The following NF1 variants were observed in gnomAD, a reference collection of about 807,000 sequenced individuals.
NF1 encodes neurofibromin 1, also known as neurofibromin.
Under a neutral mutation model 325.7 loss-of-function variants are expected in NF1, and 122 were observed. That is an observed-to-expected ratio of 0.37 (90% CI 0.32 to 0.44). The LOEUF (loss-of-function observed/expected upper bound fraction) is 0.44. NF1 is among the 20% of genes least tolerant of loss of function. NF1 has a pLI of 1.00. For missense variants in NF1, 2,140 were observed against 3,415.4 expected (o/e 0.63, Z 9.31); for synonymous variants, 1,091 against 1,186.0 (o/e 0.92, Z 1.65).
intron 37 of NF1, among the ~76,000 whole-genome samples, chr17:31,326,829 TTACC>T (rs745366078): frequency 2.6e-5 from 4 of 152,064 alleles, no homozygotes; most frequent in Non-Finnish European, 4.4e-5. Context: ...AGAGTAGAAA[TTACC>T]TAATGAGAGT....
At chr17:31,134,022 G>T (rs866902292) in intron 1 of NF1, among the ~76,000 whole-genome samples, 13 of 151,274 alleles carry the variant, frequency 8.6e-5, no homozygotes, top group Non-Finnish European at 1.2e-4. Context: ...TGACTTTTTG[G>T]TTTTTTTTTA....
chr17:31,253,128 C>T, intron 31 of NF1, 128 bp downstream of exon 31: 2 of 707,176 alleles, frequency 2.8e-6, no homozygotes, highest in Admixed American at 4.4e-5. Context: ...CTAATTCTGG[C>T]ACAAAATAGC....
Position 31,336,625 on chromosome 17 carries a change from T to G in NF1, c.6148-10T>G. On this transcript the variant is annotated splice_polypyrimidine_tract_variant and intron_variant, in intron 41 of 57. Coordinates refer to ENST00000358273, the MANE Select transcript of NF1 (RefSeq NM_001042492.3). This position sits in a 1 kb window ranked among gnomAD's most constrained non-coding sequence, Gnocchi z 5.5. The stretch of plus-strand genomic sequence containing the variant: ...TTTTTTTTAAAAAAAAAAATCCTGC[T>G]TCTTTACAGGTTATTGGAAGGATGT... The G allele has an allele frequency of 6.3e-7, 1 of 1,593,528 alleles. No individual in the cohort carries two copies. Among genetic ancestry groups the G allele is most frequent in the Non-Finnish European group, 8.5e-7 (1 of 1,170,540 alleles).
rs765337197 is a variant in NF1, at chr17:31,343,676, C to G, written c.7189+541C>G. Among the ~76,000 whole-genome samples, 94 of 152,210 alleles carry G rather than the reference C, an allele frequency of 6.2e-4. 2 individuals are homozygous for G. Among genetic ancestry groups the G allele is most frequent in the Middle Eastern group, 3.4e-3 (1 of 292 alleles). On this transcript the variant is annotated intron_variant, in intron 48 of 57. Coordinates refer to ENST00000358273, the MANE Select transcript of NF1 (RefSeq NM_001042492.3). ...TGAAAAACAAAAGAGTTTATTCTGG[C>G]TGGGTATGGTGGCTCACACCTGTAG...
intron 1 of NF1, among the ~76,000 whole-genome samples, chr17:31,145,773 A>G (rs1916544355): frequency 6.6e-6 from 1 of 152,196 alleles, no homozygotes; most frequent in Non-Finnish European, 1.5e-5. Flanking sequence ...AGGGAGATGA[A>G]GTAAAGGGAA....
At chr17:31,357,830 T>A (rs2070310690) in intron 54 of NF1, 1 of 176,160 alleles carries the variant, frequency 5.7e-6, no homozygotes, top group Non-Finnish European at 1.2e-5. Context: ...TCAAATAAAT[T>A]CTTTTCCTGA....
chr17:31,131,363 T>A (rs1915377115), intron 1 of NF1, among the ~76,000 whole-genome samples: 1 of 152,176 alleles, frequency 6.6e-6, no homozygotes, highest in Non-Finnish European at 1.5e-5. Flanking sequence ...GGGTTGCTGC[T>A]TCCCTGTTCA....
Position 31,257,004 on chromosome 17 carries a change from A to G in NF1, c.4174-1340A>G, listed in dbSNP as rs144492410. Among the ~76,000 whole-genome samples, 45 of 152,310 alleles carry G rather than the reference A, an allele frequency of 3.0e-4. No individual in the cohort carries two copies. In the Middle Eastern group the frequency reaches 0.02, roughly 69 times the overall value. The stretch of plus-strand genomic sequence containing the variant: ...CTATTTTGAGGTTATAAGCAGTGAT[A>G]ACACATTTAAAATGTGGACTGCATG... On this transcript the variant is annotated intron_variant, in intron 31 of 57. Coordinates refer to ENST00000358273, the MANE Select transcript of NF1 (RefSeq NM_001042492.3).
At chr17:31,125,878 A>C (rs1914841510) in intron 1 of NF1, among the ~76,000 whole-genome samples, 1 of 152,188 alleles carries the variant, frequency 6.6e-6, no homozygotes, top group Admixed American at 6.5e-5. Flanking sequence ...TGACACTCCC[A>C]ACTGCAATAT....
chr17:31,214,625 T>G (rs1331936546), intron 13 of NF1, 40 bp downstream of exon 13: 1 of 1,602,704 alleles, frequency 6.2e-7, no homozygotes, highest in South Asian at 1.1e-5. Flanking sequence ...ATTATCACAC[T>G]AAGTTAATTG....
chr17:31,108,234 TA>T (rs1913051689), intron 1 of NF1, among the ~76,000 whole-genome samples: 1 of 145,268 alleles, frequency 6.9e-6, no homozygotes, highest in Non-Finnish European at 1.5e-5. Flanking sequence ...TGTTTTAAAA[TA>T]AAAAGTTTCC....
intron 18 of NF1, 117 bp from the exon 19 acceptor site, chr17:31,227,099 TTA>T: frequency 9.4e-7 from 1 of 1,060,164 alleles, no homozygotes; most frequent in Non-Finnish European, 1.5e-6. Context: ...GTTTTTGGCT[TTA>T]TCATTTGAAG....
chr17:31,212,680 A>G (rs2066749177), intron 12 of NF1, among the ~76,000 whole-genome samples: 1 of 152,250 alleles, frequency 6.6e-6, no homozygotes, highest in Non-Finnish European at 1.5e-5. Flanking sequence ...ACTGCACTCC[A>G]GCCTGGGCAA....
chr17:31,358,871 A>G (rs2151585693), intron 55 of NF1, 98 bp from the exon 56 acceptor site: 1 of 1,153,592 alleles, frequency 8.7e-7, no homozygotes, highest in Middle Eastern at 2.6e-4. Flanking sequence ...CAACATGTAC[A>G]TAGGGTTTAT....
At chr17:31,129,313 T>C (rs1915150944) in intron 1 of NF1, among the ~76,000 whole-genome samples, 1 of 152,146 alleles carries the variant, frequency 6.6e-6, no homozygotes, top group Non-Finnish European at 1.5e-5. Flanking sequence ...TCATATTTCT[T>C]GGGGGTTTTG....
chr17:31,187,731 C>G (rs940373519), intron 8 of NF1, among the ~76,000 whole-genome samples: 1 of 152,122 alleles, frequency 6.6e-6, no homozygotes, highest in Non-Finnish European at 1.5e-5. Flanking sequence ...CCTAGTGATC[C>G]ACTAGAAAAT....
intron 23 of NF1, 108 bp downstream of exon 23, chr17:31,230,490 GA>G (rs1183240791): frequency 2.3e-5 from 31 of 1,366,388 alleles, no homozygotes; most frequent in Non-Finnish European, 1.2e-5. Flanking sequence ...GACATGAAAA[GA>G]GAGCAATTTA....
At chr17:31,267,751 T>C (rs1161080227) in intron 36 of NF1, among the ~76,000 whole-genome samples, 1 of 152,218 alleles carries the variant, frequency 6.6e-6, no homozygotes, top group African/African-American at 2.4e-5. Flanking sequence ...TGTCCAAAAC[T>C]TAATTCAGTA....
intron 1 of NF1, among the ~76,000 whole-genome samples, chr17:31,130,455 G>T (rs1396545026): frequency 6.6e-6 from 1 of 152,186 alleles, no homozygotes; most frequent in African/African-American, 2.4e-5. Flanking sequence ...TGGCAGTAAG[G>T]CCAGGGCGGG....
Sources: gnomAD v4.1 joint callset for allele counts (sites outside exome capture counted in the v4.1 genomes callset) on GRCh38, gnomAD v4.1.1 for gene constraint, Gnocchi (gnomAD v3.1) non-coding constraint, MANE v1.5 for transcripts, NCBI Gene and HGNC (gene_info 2026-07-23, HGNC 2026-07-21) for gene names.